The following EP300 variants were observed in gnomAD, a reference collection of about 807,000 sequenced individuals.
EP300 encodes the protein histone acetyltransferase p300.
EP300 carries 31 observed loss-of-function variants against 264.0 expected under a neutral mutation model. The observed-to-expected ratio is 0.12, with a 90% CI of 0.09 to 0.16. EP300 has a LOEUF of 0.16. EP300 is among the 10% of genes least tolerant of loss of function. EP300 has a pLI of 1.00. For missense variants in EP300, 2,766 were observed against 3,052.9 expected (o/e 0.91, Z 2.21); for synonymous variants, 1,340 against 1,045.4 (o/e 1.28, Z -5.44).
Position 41,117,534 on chromosome 22 carries a change from A to G in EP300, c.442A>G (p.Thr148Ala), listed in dbSNP as rs764079704. ...MGTSGPNQGP[T>A]QSTGMMNSPV... ...CACTAGTGGACCAAATCAGGGTCCTACGCAGTCAACAGGTATGATGAACAG... is the reference window on the plus strand; with the variant it reads ...CACTAGTGGACCAAATCAGGGTCCTGCGCAGTCAACAGGTATGATGAACAG... The change falls in exon 2 of 31, where the codon ACG becomes GCG. Residue 148 changes from threonine (T) to alanine (A), a missense_variant. By Grantham distance (58) the Thr-to-Ala change is moderately conservative. Transcript: ENST00000263253. 5.6e-6 allele frequency: 9 copies of G among 1,614,136 alleles called. No individual in the cohort carries two copies. Among genetic ancestry groups the G allele is most frequent in the Admixed American group, 5.0e-5 (3 of 60,014 alleles).
intron 16 of EP300, among the ~76,000 whole-genome samples, chr22:41,154,443 G>A (rs1271359702): frequency 1.5e-5 from 2 of 136,650 alleles, no homozygotes; most frequent in Admixed American, 1.7e-4. Flanking sequence ...GTGCAGTGGC[G>A]CCATCTCGGC....
chr22:41,130,254 TAA>T (rs11388493), intron 5 of EP300, among the ~76,000 whole-genome samples: 56 of 134,788 alleles, frequency 4.2e-4, no homozygotes, highest in Admixed American at 3.7e-4. Flanking sequence ...CTGCCTCAAT[TAA>T]AAAAAAAAAA....
At chr22:41,167,600 A>ATATATG (rs2059144644) in intron 23 of EP300, among the ~76,000 whole-genome samples, 1 of 19,182 alleles carries the variant, frequency 5.2e-5, no homozygotes, top group Non-Finnish European at 1.4e-4. Context: ...ATATATATAT[A>ATATATG]TATATATATA....
chr22:41,136,674 T>C (rs970051287), intron 7 of EP300, among the ~76,000 whole-genome samples: 134 of 151,972 alleles, frequency 8.8e-4, no homozygotes, highest in African/African-American at 3.0e-3. Context: ...ATAAAAATTA[T>C]TATTTTAAAA....
intron 16 of EP300, 86 bp from the exon 17 acceptor site, chr22:41,154,909 T>TG: frequency 1.1e-6 from 1 of 902,528 alleles, no homozygotes; most frequent in Non-Finnish European, 1.8e-6. Context: ...ATTCTTGAGA[T>TG]GCTTTTAGAG....
At chr22:41,134,163 C>CTTTTTTT (rs11362436) in intron 6 of EP300, among the ~76,000 whole-genome samples, 176 of 105,362 alleles carry the variant, frequency 1.7e-3, no homozygotes, top group African/African-American at 2.2e-3. Flanking sequence ...TCATTCTTTT[C>CTTTTTTT]TTTTTTTTTT....
chr22:41,105,121 C>A (rs2058751379), intron 1 of EP300, among the ~76,000 whole-genome samples: 1 of 148,662 alleles, frequency 6.7e-6, no homozygotes, highest in African/African-American at 2.5e-5. Flanking sequence ...GGCGTGAACC[C>A]AGGAGGCGGA....
intron 28 of EP300, 55 bp from the exon 29 acceptor site, chr22:41,173,568 C>T: frequency 6.3e-7 from 1 of 1,588,138 alleles, no homozygotes; most frequent in East Asian, 2.2e-5. Flanking sequence ...CTGTGCTATT[C>T]CCAAATTACT....
At chr22:41,176,655 C>CT in intron 30 of EP300, 118 bp from the exon 31 acceptor site, 1 of 1,608,326 alleles carries the variant, frequency 6.2e-7, no homozygotes. Flanking sequence ...AGGGGCAGAG[C>CT]TGAAGAGGCT....
rs759814127 is a variant in EP300 at position 41,177,437 on chromosome 22, C to A, written c.5726C>A (p.Thr1909Asn). Residue 1909 changes from threonine to asparagine, a missense_variant, in exon 31 of 31, where the codon ACC (threonine) becomes AAC (asparagine). Transcript: ENST00000263253. The stretch of plus-strand genomic sequence containing the variant: ...GCAGCAGGCCAGGTGACCCCTCCAA[C>A]CCCTCCTCAGACTGCTCAGCCACCC... The part of the protein sequence containing the change: ...GKAAGQVTPP[T>N]PPQTAQPPLP... 3.7e-6 allele frequency: 6 copies of A among 1,614,064 alleles called. No individual in the cohort carries two copies. In the African/African-American group the frequency reaches 8.0e-5, roughly 22 times the overall value.
chr22:41,177,620 C>T lies in EP300; in HGVS notation c.5909C>T (p.Pro1970Leu), dbSNP rs746013036. The T allele has an allele frequency of 1.2e-6, 2 of 1,614,152 alleles. No individual in the cohort carries two copies. Among genetic ancestry groups the T allele is most frequent in the East Asian group, 2.2e-5 (1 of 44,870 alleles). The change falls in exon 31 of 31, where the codon CCT (proline) becomes CTT (leucine). Residue 1970 changes from proline to leucine, a missense_variant. Physicochemically the swap from Pro to Leu is moderately conservative, Grantham distance 98. Coordinates refer to ENST00000263253, the MANE Select transcript of EP300 (RefSeq NM_001429.4). ...ATGGCCCCCATGGGTATGAACCCACCTCCCATGACCAGAGGTCCCAGTGGG... is the reference window on the plus strand; with the variant it reads ...ATGGCCCCCATGGGTATGAACCCACTTCCCATGACCAGAGGTCCCAGTGGG... ...TPMAPMGMNP[P>L]PMTRGPSGHL... is the part of the protein sequence containing the mutation.
intron 14 of EP300, 60 bp from the exon 15 acceptor site, chr22:41,151,773 G>C (rs2059046815): frequency 6.5e-7 from 1 of 1,540,066 alleles, no homozygotes; most frequent in African/African-American, 1.4e-5. Context: ...CTTACATTCT[G>C]ATTGTATCGT....
chr22:41,111,474 TTC>T (rs1418134843), intron 1 of EP300, among the ~76,000 whole-genome samples: 2 of 152,332 alleles, frequency 1.3e-5, no homozygotes, highest in Non-Finnish European at 1.5e-5. Context: ...GCTTTGAACT[TTC>T]TATGTCAACA....
rs2145735903 is a variant in EP300, at chr22:41,149,092, C to T, written c.2296C>T (p.Pro766Ser). Residue 766 changes from proline (P) to serine (S), a missense_variant, in exon 13 of 31, where the codon CCT becomes TCT. By Grantham distance (74) the Pro-to-Ser change is moderately conservative. Coordinates refer to ENST00000263253, the MANE Select transcript of EP300 (RefSeq NM_001429.4). ...GCCTTCCAACCAGGGCCAGTTCCTT[C>T]CTCAGACTCAGTTCCCATCACAGGG... The part of the protein sequence containing the change: ...QQPSNQGQFL[P>S]QTQFPSQGMN... 6.2e-7 allele frequency: 1 copy of T among 1,613,368 alleles called. No individual in the cohort carries two copies. Among genetic ancestry groups the T allele is most frequent in the Non-Finnish European group, 8.5e-7 (1 of 1,179,898 alleles).
chr22:41,140,994 G>A (rs531197375), intron 9 of EP300, 54 bp from the exon 10 acceptor site: 10 of 1,528,102 alleles, frequency 6.5e-6, no homozygotes, highest in African/African-American at 2.8e-5. Context: ...TCTGTTACCT[G>A]GTGGTAGTTC....
intron 2 of EP300, 77 bp downstream of exon 2, chr22:41,117,898 C>G: frequency 1.2e-6 from 2 of 1,600,338 alleles, no homozygotes; most frequent in East Asian, 4.5e-5. Flanking sequence ...GTTTGCCTTA[C>G]ATTGTATAGC....
chr22:41,135,113 G>A (rs2145719925), intron 6 of EP300, among the ~76,000 whole-genome samples: 1 of 152,246 alleles, frequency 6.6e-6, no homozygotes, highest in South Asian at 2.1e-4. Context: ...CATTGGCCAG[G>A]CTGGTCTTGA....
intron 20 of EP300, 96 bp downstream of exon 20, chr22:41,160,818 A>G: frequency 1.7e-6 from 2 of 1,161,310 alleles, no homozygotes; most frequent in Middle Eastern, 1.9e-4. Flanking sequence ...ATGCTGTTGA[A>G]TATGGTAGCC....
intron 1 of EP300, among the ~76,000 whole-genome samples, chr22:41,108,739 C>T (rs947451239): frequency 6.6e-6 from 1 of 152,144 alleles, no homozygotes; most frequent in African/African-American, 2.4e-5. Context: ...AACTTGTGAA[C>T]AAACTACTTG....
Sources: gnomAD v4.1 joint callset for allele counts (sites outside exome capture counted in the v4.1 genomes callset) on GRCh38, gnomAD v4.1.1 for gene constraint, MANE v1.5 for transcripts, NCBI Gene and HGNC (gene_info 2026-07-23, HGNC 2026-07-21) for gene names.